Variants in IL1RAPL2 observed in about 807,000 individuals in gnomAD.
IL1RAPL2 encodes interleukin 1 receptor accessory protein like 2.
In IL1RAPL2, 3 loss-of-function variants were observed where a neutral mutation model predicts 44.1. The ratio of observed to expected loss-of-function variants is 0.07; its 90% confidence interval spans 0.03 to 0.18. The LOEUF (loss-of-function observed/expected upper bound fraction) is 0.18, where lower values mean the gene tolerates loss of function less well. IL1RAPL2 is among the 10% of genes least tolerant of loss of function. The pLI is 1.00. For missense variants in IL1RAPL2, 391 were observed against 496.4 expected (o/e 0.79, Z 2.02); for synonymous variants, 181 against 178.8 (o/e 1.01, Z -0.10).
intron 6 of IL1RAPL2, among the ~76,000 whole-genome samples, chrX:105,657,220 T>C (rs1436576919): frequency 8.9e-6 from 1 of 112,119 alleles, no homozygotes; most frequent in Non-Finnish European, 1.9e-5. Flanking sequence ...GACATCCCTA[T>C]ATATTCCTAG....
At chrX:104,764,057 C>T (rs1932511391) in intron 2 of IL1RAPL2, among the ~76,000 whole-genome samples, 1 of 111,400 alleles carries the variant, frequency 9.0e-6, no homozygotes, top group African/African-American at 3.3e-5. Context: ...TTCTCTGGTT[C>T]CATATAAATT....
At chrX:104,678,100 TC>T (rs1174801215) in intron 2 of IL1RAPL2, among the ~76,000 whole-genome samples, 1 of 112,783 alleles carries the variant, frequency 8.9e-6, no homozygotes, top group Non-Finnish European at 1.9e-5. Context: ...CTGTTCCTAT[TC>T]GGCCATCTTG....
At chrX:105,223,540 C>G (rs556075963) in intron 3 of IL1RAPL2, among the ~76,000 whole-genome samples, 6 of 112,054 alleles carry the variant, frequency 5.4e-5, no homozygotes, top group Non-Finnish European at 9.4e-5. Flanking sequence ...TTTATACTGC[C>G]ATTCTCCCAC....
At chrX:104,983,181 A>G (rs962602413) in intron 2 of IL1RAPL2, among the ~76,000 whole-genome samples, 1 of 109,191 alleles carries the variant, frequency 9.2e-6, no homozygotes, top group Non-Finnish European at 1.9e-5. Context: ...ATGGAGTTGC[A>G]CTGAGAGATA....
intron 6 of IL1RAPL2, among the ~76,000 whole-genome samples, chrX:105,710,835 C>T (rs932476869): frequency 1.8e-5 from 2 of 108,371 alleles, no homozygotes; most frequent in Admixed American, 2.0e-4. Flanking sequence ...ACCAGTACAA[C>T]ATTGGCTGCA....
intron 2 of IL1RAPL2, among the ~76,000 whole-genome samples, chrX:104,826,695 A>G (rs1921459443): frequency 9.0e-6 from 1 of 110,513 alleles, no homozygotes; most frequent in Admixed American, 9.7e-5. Flanking sequence ...GATCTGTCTA[A>G]TATTGACAGT....
intron 2 of IL1RAPL2, among the ~76,000 whole-genome samples, chrX:104,894,528 C>T (rs1362649244): frequency 9.0e-6 from 1 of 111,730 alleles, no homozygotes; most frequent in African/African-American, 3.3e-5. Flanking sequence ...CACTTCATTT[C>T]ATTCATTTGA....
At chrX:104,755,606 C>T (rs1171924501) in intron 2 of IL1RAPL2, among the ~76,000 whole-genome samples, 1 of 110,798 alleles carries the variant, frequency 9.0e-6, no homozygotes, top group Non-Finnish European at 1.9e-5. Context: ...ATGAATGACA[C>T]AAATAACAGA....
chrX:105,033,363 G>A (rs746188921), intron 2 of IL1RAPL2, among the ~76,000 whole-genome samples: 122 of 111,619 alleles, frequency 1.1e-3, no homozygotes, highest in East Asian at 5.4e-3. Flanking sequence ...GGCTGGTACC[G>A]GTTGTTCCTT....
chrX:105,287,353 A>G (rs1001326777), intron 5 of IL1RAPL2, among the ~76,000 whole-genome samples: 2 of 111,666 alleles, frequency 1.8e-5, no homozygotes, highest in Admixed American at 1.9e-4. Context: ...AAATAAGGCC[A>G]ACTACAGCTG....
At chrX:104,846,811 C>G (rs866535853) in intron 2 of IL1RAPL2, among the ~76,000 whole-genome samples, 2 of 112,078 alleles carry the variant, frequency 1.8e-5, no homozygotes, top group African/African-American at 6.5e-5. Context: ...ACAGTCCCAC[C>G]AACAGTGTAA....
At chrX:105,421,936 A>G (rs751679378) in intron 5 of IL1RAPL2, among the ~76,000 whole-genome samples, 1 of 112,132 alleles carries the variant, frequency 8.9e-6, no homozygotes, top group Non-Finnish European at 1.9e-5. Context: ...ATTCCAAACT[A>G]TAGAAAATAA....
chrX:105,373,795 C>T (rs769122900), intron 5 of IL1RAPL2, among the ~76,000 whole-genome samples: 2 of 110,649 alleles, frequency 1.8e-5, no homozygotes, highest in African/African-American at 3.3e-5. Flanking sequence ...GTCCTTTCCC[C>T]ATTGCTTGCT....
intron 5 of IL1RAPL2, among the ~76,000 whole-genome samples, chrX:105,459,391 C>T (rs1345123028): frequency 9.0e-6 from 1 of 111,144 alleles, no homozygotes; most frequent in Non-Finnish European, 1.9e-5. Context: ...TGTAAACCTT[C>T]TGTCTGTGTG....
At chrX:105,012,347 C>T (rs2031062606) in intron 2 of IL1RAPL2, among the ~76,000 whole-genome samples, 1 of 109,933 alleles carries the variant, frequency 9.1e-6, no homozygotes, top group Non-Finnish European at 1.9e-5. Context: ...TCATGCCTGT[C>T]AATGGAATGA....
intron 2 of IL1RAPL2, among the ~76,000 whole-genome samples, chrX:104,772,894 C>G (rs1398896370): frequency 9.0e-6 from 1 of 111,511 alleles, no homozygotes; most frequent in Non-Finnish European, 1.9e-5. Context: ...CAGGGTACCA[C>G]AGGAAGTACA....
intron 6 of IL1RAPL2, among the ~76,000 whole-genome samples, chrX:105,522,452 T>C (rs2036566543): frequency 8.9e-6 from 1 of 112,306 alleles, no homozygotes; most frequent in Admixed American, 9.4e-5. Context: ...TGCATGTACA[T>C]TATTGTAACA....
At chrX:104,609,617 A>G (rs1472504865) in intron 1 of IL1RAPL2, among the ~76,000 whole-genome samples, 1 of 111,511 alleles carries the variant, frequency 9.0e-6, no homozygotes, top group Non-Finnish European at 1.9e-5. Context: ...AATTACTGAT[A>G]TCCTTTTTTC....
Position 105,717,354 on chromosome X carries a change from C to T in IL1RAPL2, c.773-13C>T. ...AGGAGTCATTTGCTCATTTCTTTTT[C>T]TCTCATTCTCAGGTAAGCCTCTGAA... On this transcript the variant is annotated splice_polypyrimidine_tract_variant and intron_variant, in intron 6 of 10. Transcript: ENST00000372582. 1 of 1,167,304 alleles carries T rather than the reference C, an allele frequency of 8.6e-7. No individual in the cohort carries two copies. Among genetic ancestry groups the T allele is most frequent in the Non-Finnish European group, 1.1e-6 (1 of 872,940 alleles).
Sources: gnomAD v4.1 joint callset for allele counts (sites outside exome capture counted in the v4.1 genomes callset) on GRCh38, gnomAD v4.1.1 for gene constraint, MANE v1.5 for transcripts, NCBI Gene and HGNC (gene_info 2026-07-23, HGNC 2026-07-21) for gene names.